YEATS2: variants seen among roughly 807,000 people sequenced by gnomAD.
The protein encoded by YEATS2 is YEATS domain containing 2.
Under a neutral mutation model 163.2 loss-of-function variants are expected in YEATS2, and 77 were observed. The observed-to-expected ratio is 0.47, with a 90% CI of 0.39 to 0.57. The LOEUF is 0.57. Ranked by LOEUF, YEATS2 falls within the 20% of genes least tolerant of loss-of-function variation. The probability of loss-of-function intolerance (pLI) is 0.00; values close to 1 mark genes in which losing one functional copy is unlikely to be tolerated. For missense variants in YEATS2, 1,549 were observed against 1,729.8 expected (o/e 0.90, Z 1.85); for synonymous variants, 631 against 645.1 (o/e 0.98, Z 0.33).
chr3:183,730,044 T>TTTTGTTTGTTTGTTTGTTTGTTTG (rs1232274438), intron 7 of YEATS2, among the ~76,000 whole-genome samples: 12 of 89,620 alleles, frequency 1.3e-4, no homozygotes, highest in African/African-American at 4.6e-4. Flanking sequence ...TTGTGTGGTT[T>TTTTGTTTGTTTGTTTGTTTGTTTG]TTTGTTTGTT....
chr3:183,736,668 G>A, intron 7 of YEATS2, 50 bp from the exon 8 acceptor site: 2 of 1,444,448 alleles, frequency 1.4e-6, no homozygotes, highest in Non-Finnish European at 1.9e-6. Context: ...TTCCTGTGTA[G>A]GATGAGAGAG....
At chr3:183,699,957 T>C (rs1713885903) in intron 1 of YEATS2, among the ~76,000 whole-genome samples, 1 of 152,046 alleles carries the variant, frequency 6.6e-6, no homozygotes, top group South Asian at 2.1e-4. Context: ...GAGTGCAAAT[T>C]AGAAAAAAAG....
chr3:183,773,039 GTGT>G (rs1434235951), intron 16 of YEATS2, among the ~76,000 whole-genome samples: 1 of 152,150 alleles, frequency 6.6e-6, no homozygotes, highest in Non-Finnish European at 1.5e-5. Context: ...TTGTTACACT[GTGT>G]TGTTTAAGGA....
Position 183,728,701 on chromosome 3 carries a change from C to T in YEATS2, c.662C>T (p.Pro221Leu), listed in dbSNP as rs751239567. The change falls in exon 7 of 31, where the codon CCG becomes CTG. Residue 221 changes from proline to leucine, a missense_variant. Pro to Leu is a moderately conservative substitution (Grantham distance 98). Transcript: ENST00000305135. Reference protein sequence around the residue: ...VVGNVSKYIPPDKREENDQST... With the variant: ...VVGNVSKYIPLDKREENDQST... ...TTCTTCTTCTCTAGGTATATACCTCCGGATAAGAGGGAAGAAAATGACCAG... is the reference window on the plus strand; with the variant it reads ...TTCTTCTTCTCTAGGTATATACCTCTGGATAAGAGGGAAGAAAATGACCAG... The T allele has an allele frequency of 1.0e-5, 16 of 1,606,388 alleles. No homozygotes were observed. In the East Asian group the frequency reaches 1.1e-4, roughly 11 times the overall value.
At chr3:183,721,697 A>T (rs1716505630) in intron 4 of YEATS2, among the ~76,000 whole-genome samples, 194 bp from the exon 5 acceptor site, 1 of 152,110 alleles carries the variant, frequency 6.6e-6, no homozygotes, top group Non-Finnish European at 1.5e-5. Flanking sequence ...TTACATAATT[A>T]TTCATCATTC....
chr3:183,724,298 A>C, intron 5 of YEATS2, 121 bp from the exon 6 acceptor site: 1 of 706,160 alleles, frequency 1.4e-6, no homozygotes, highest in Non-Finnish European at 2.3e-6. Context: ...CAAAGCCAGA[A>C]AATTTTGTAA....
intron 25 of YEATS2, 127 bp from the exon 26 acceptor site, chr3:183,803,129 C>A: frequency 1.1e-6 from 1 of 948,880 alleles, no homozygotes; most frequent in African/African-American, 1.6e-5. Context: ...TGCATCTGAG[C>A]TTGCCCAGTA....
rs912143726 is a variant in YEATS2, at chr3:183,738,873, G to A, written c.924+2044G>A. Among the ~76,000 whole-genome samples the A allele has an allele frequency of 8.2e-4, 117 of 142,742 alleles. 1 individual carries two copies. Among genetic ancestry groups the A allele is most frequent in the African/African-American group, 2.9e-3 (109 of 37,664 alleles). 93.6% of individuals were successfully genotyped at this position (142,742 alleles called of 152,430 possible). ...TGCCGCAATAAACATACGTGTGCAT[G>A]TGTCTTTATAGGAGCATGATTTATA... is the stretch of plus-strand genomic sequence containing the variant. On this transcript the variant is annotated intron_variant, in intron 8 of 30. Transcript: ENST00000305135.
chr3:183,712,596 A>C (rs1715383405), intron 1 of YEATS2, among the ~76,000 whole-genome samples: 1 of 152,018 alleles, frequency 6.6e-6, no homozygotes, highest in African/African-American at 2.4e-5. Context: ...GAGATTTGGA[A>C]ATCAGAGAGC....
chr3:183,784,538 C>T (rs983205751), intron 19 of YEATS2, among the ~76,000 whole-genome samples: 1 of 152,010 alleles, frequency 6.6e-6, no homozygotes, highest in Non-Finnish European at 1.5e-5. Context: ...ATCTTTTCTC[C>T]CATTCTGTAG....
chr3:183,778,631 C>T (rs1167440643), intron 19 of YEATS2, among the ~76,000 whole-genome samples: 1 of 152,180 alleles, frequency 6.6e-6, no homozygotes, highest in Admixed American at 6.5e-5. Context: ...GCTGGGATTA[C>T]AGGCGTGATC....
chr3:183,735,696 C>CTTTTTT (rs11432788), intron 7 of YEATS2, among the ~76,000 whole-genome samples: 1 of 149,264 alleles, frequency 6.7e-6, no homozygotes, highest in African/African-American at 2.5e-5. Flanking sequence ...TTGTCATTTT[C>CTTTTTT]TTTTTTTTTT....
Position 183,799,009 on chromosome 3 carries a change from G to A in YEATS2, c.3325+20G>A, listed in dbSNP as rs1282441663. On this transcript the variant is annotated intron_variant, in intron 23 of 30. Coordinates refer to ENST00000305135, the MANE Select transcript of YEATS2 (RefSeq NM_018023.5). The stretch of plus-strand genomic sequence containing the variant: ...CAAAAGGTACGTAGGATCTCACAGA[G>A]TTCTCGTCCAGAAGTTTTGTTACTT... 2 of 1,586,734 alleles carry A rather than the reference G, an allele frequency of 1.3e-6. No homozygotes were observed. The highest frequency in any genetic ancestry group is 1.7e-6 in the Non-Finnish European group (2 of 1,155,222).
intron 12 of YEATS2, 148 bp downstream of exon 12, chr3:183,756,837 T>C: frequency 2.8e-6 from 2 of 701,884 alleles, no homozygotes; most frequent in East Asian, 3.5e-5. Context: ...GCCAATACTC[T>C]TTCTCTGAGG....
chr3:183,730,710 A>T (rs1232563031), intron 7 of YEATS2, among the ~76,000 whole-genome samples: 9 of 152,134 alleles, frequency 5.9e-5, no homozygotes, highest in African/African-American at 2.2e-4. Flanking sequence ...AAAAGGGGGA[A>T]AGGTTTCAGC....
intron 16 of YEATS2, 86 bp from the exon 17 acceptor site, chr3:183,773,547 A>G (rs1008107440): frequency 1.5e-6 from 2 of 1,327,530 alleles, no homozygotes; most frequent in Non-Finnish European, 2.0e-6. Flanking sequence ...GTTCTAAAAT[A>G]AGAATTTATT....
intron 9 of YEATS2, 57 bp downstream of exon 9, chr3:183,747,773 ATTTT>A: frequency 6.5e-7 from 1 of 1,547,416 alleles, no homozygotes; most frequent in Non-Finnish European, 8.9e-7. Flanking sequence ...ATTGATCTTC[ATTTT>A]TTGTTTGTTT....
intron 15 of YEATS2, among the ~76,000 whole-genome samples, chr3:183,765,492 A>G (rs796071791): frequency 7.9e-5 from 12 of 152,332 alleles, no homozygotes; most frequent in African/African-American, 2.9e-4. Context: ...CTGAAAAGAA[A>G]AACCACAGCA....
intron 14 of YEATS2, 66 bp from the exon 15 acceptor site, chr3:183,762,031 T>G: frequency 6.3e-7 from 1 of 1,599,584 alleles, no homozygotes; most frequent in Non-Finnish European, 8.6e-7. Flanking sequence ...AAGAGTCAGA[T>G]ATTAGCAGCT....
Sources: allele counts gnomAD v4.1 joint callset (sites outside exome capture counted in the v4.1 genomes callset), GRCh38; gene constraint gnomAD v4.1.1; transcripts MANE v1.5; gene names NCBI Gene and HGNC (gene_info 2026-07-23, HGNC 2026-07-21).